PDE1C: variants seen among roughly 807,000 people sequenced by gnomAD.
PDE1C encodes phosphodiesterase 1C.
PDE1C carries 62 observed loss-of-function variants against 93.1 expected under a neutral mutation model. The observed-to-expected ratio is 0.67, with a 90% CI of 0.54 to 0.82. The LOEUF (loss-of-function observed/expected upper bound fraction) is 0.82, where lower values mean the gene tolerates loss of function less well. PDE1C is among the 40% of genes least tolerant of loss of function. The pLI, the probability that PDE1C is intolerant of heterozygous loss-of-function variation, is 0.00. For synonymous variants in PDE1C, 325 were observed against 310.1 expected, an observed-to-expected ratio of 1.05 and a Z score of -0.50; for missense variants, 742 against 884.6, an observed-to-expected ratio of 0.84 and a Z score of 2.04.
At chr7:32,133,760 T>C (rs1018298256) in intron 3 of PDE1C, among the ~76,000 whole-genome samples, 3 of 152,112 alleles carry the variant, frequency 2.0e-5, no homozygotes, top group Non-Finnish European at 4.4e-5. Context: ...ACGTCCAGTA[T>C]ATATATGAGA....
chr7:32,026,964 T>C (rs1789518490), intron 2 of PDE1C, among the ~76,000 whole-genome samples: 1 of 152,130 alleles, frequency 6.6e-6, no homozygotes, highest in South Asian at 2.1e-4. Flanking sequence ...CTGGAAAGTA[T>C]AACACTATGG....
chr7:32,219,621 G>A (rs987796592), intron 1 of PDE1C, among the ~76,000 whole-genome samples: 1 of 152,140 alleles, frequency 6.6e-6, no homozygotes, highest in African/African-American at 2.4e-5. Flanking sequence ...GTGATGTCCT[G>A]GGTGGCCCAG....
At chr7:32,144,054 A>T (rs1207483079) in intron 3 of PDE1C, among the ~76,000 whole-genome samples, 2 of 152,064 alleles carry the variant, frequency 1.3e-5, no homozygotes, top group Non-Finnish European at 1.5e-5. Flanking sequence ...GCAGAAACAC[A>T]CAAGCATAAA....
At chr7:32,344,946 A>T (rs1404923676) in intron 1 of PDE1C, among the ~76,000 whole-genome samples, 1 of 152,160 alleles carries the variant, frequency 6.6e-6, no homozygotes, top group Non-Finnish European at 1.5e-5. Context: ...ACTTATGAGA[A>T]TTGCATCTAT....
At chr7:31,749,477 C>T (rs771336471), downstream of PDE1C, among the ~76,000 whole-genome samples, 1 of 152,088 alleles carries the variant, frequency 6.6e-6, no homozygotes, top group Non-Finnish European at 1.5e-5. Context: ...CATTGTTTGT[C>T]AGGGTGAGCT....
chr7:31,733,858 G>A, the PDE1C span, among the ~76,000 whole-genome samples: 1 of 152,058 alleles, frequency 6.6e-6, no homozygotes, highest in African/African-American at 2.4e-5. Context: ...AAAAACATTA[G>A]CCAGGCATGG....
At chr7:31,689,437 C>T in the PDE1C span, among the ~76,000 whole-genome samples, 1 of 152,094 alleles carries the variant, frequency 6.6e-6, no homozygotes, top group African/African-American at 2.4e-5. Flanking sequence ...ATGATGAAAC[C>T]TTCCCTGGGC....
At chr7:31,714,022 C>A in the PDE1C span, among the ~76,000 whole-genome samples, 1 of 152,196 alleles carries the variant, frequency 6.6e-6, no homozygotes, top group Non-Finnish European at 1.5e-5. Flanking sequence ...CTCCTCATTA[C>A]TTGTGTAAAT....
chr7:31,855,069 T>TAAAA (rs70989615), intron 7 of PDE1C, among the ~76,000 whole-genome samples: 25,694 of 106,622 alleles, frequency 0.24, 2,952 homozygotes, highest in Non-Finnish European at 0.31. Flanking sequence ...TCCCTCTGTC[T>TAAAA]AAAAAAAAAA....
the PDE1C span, chr7:31,652,443 C>T: frequency 6.7e-7 from 1 of 1,496,974 alleles, no homozygotes; most frequent in Non-Finnish European, 8.9e-7. Context: ...TAATGCCTAG[C>T]TCACAAGTTT....
the PDE1C span, among the ~76,000 whole-genome samples, chr7:31,715,663 G>C: frequency 1.3e-5 from 2 of 152,196 alleles, no homozygotes; most frequent in Admixed American, 1.3e-4. Flanking sequence ...GGGCAACCTT[G>C]AACTAGTAGA....
At chr7:31,810,855 A>G (rs1311636381) in intron 15 of PDE1C, among the ~76,000 whole-genome samples, 2 of 152,172 alleles carry the variant, frequency 1.3e-5, no homozygotes, top group Non-Finnish European at 2.9e-5. Context: ...CTATGAATTT[A>G]TAAAGAACTG....
At chr7:31,969,850 G>A (rs1400291909) in intron 2 of PDE1C, among the ~76,000 whole-genome samples, 5 of 152,112 alleles carry the variant, frequency 3.3e-5, no homozygotes, top group East Asian at 1.9e-4. Flanking sequence ...TAGGGACATC[G>A]ATGAAGCTGG....
At chr7:31,841,715 T>C (rs529505357) in intron 9 of PDE1C, among the ~76,000 whole-genome samples, 4 of 152,254 alleles carry the variant, frequency 2.6e-5, no homozygotes, top group African/African-American at 9.6e-5. Flanking sequence ...ATAAGCCCAA[T>C]ATATGAGTCA....
At chr7:31,721,810 C>A in the PDE1C span, among the ~76,000 whole-genome samples, 3 of 152,128 alleles carry the variant, frequency 2.0e-5, no homozygotes, top group South Asian at 6.2e-4. Flanking sequence ...TGTGGTTGCA[C>A]AAAGAAGGCT....
chr7:31,696,250 C>T, the PDE1C span, among the ~76,000 whole-genome samples: 1 of 152,184 alleles, frequency 6.6e-6, no homozygotes, highest in Non-Finnish European at 1.5e-5. Flanking sequence ...CACTAATTTA[C>T]TGTCATCTCT....
chr7:31,945,613 A>T (rs984031930), intron 2 of PDE1C, among the ~76,000 whole-genome samples: 33 of 152,164 alleles, frequency 2.2e-4, no homozygotes, highest in African/African-American at 7.7e-4. Context: ...TGTTCCTCTA[A>T]GAGGAAGATT....
the PDE1C span, chr7:31,707,166 A>T: frequency 2.4e-4 from 377 of 1,576,886 alleles, no homozygotes; most frequent in African/African-American, 4.0e-3. Context: ...TGTTTTAATT[A>T]GAGGTACTTA....
intron 1 of PDE1C, among the ~76,000 whole-genome samples, chr7:32,255,356 T>C (rs1809715499): frequency 6.6e-6 from 1 of 152,180 alleles, no homozygotes; most frequent in South Asian, 2.1e-4. Flanking sequence ...TGGATTTGCA[T>C]AGACCTCAGT....
Sources: gnomAD v4.1 joint callset for allele counts (sites outside exome capture counted in the v4.1 genomes callset) on GRCh38, gnomAD v4.1.1 for gene constraint, MANE v1.5 for transcripts, NCBI Gene and HGNC (gene_info 2026-07-23, HGNC 2026-07-21) for gene names.